Variants in ADARB2 observed in about 807,000 individuals in gnomAD.
The protein encoded by ADARB2 is inactive double-stranded RNA-specific editase B2.
A neutral mutation model predicts 62.2 loss-of-function variants in ADARB2; 25 were observed. The ratio of observed to expected loss-of-function variants is 0.40; its 90% CI spans 0.29 to 0.56. The LOEUF is 0.56. Among genes scored for constraint, ADARB2 ranks in the 20% least tolerant of loss-of-function variants. The pLI is 0.43. For synonymous variants in ADARB2, 572 were observed against 500.8 expected, an observed-to-expected ratio of 1.14 and a Z score of -1.90; for missense variants, 1,071 against 1,077.4, an observed-to-expected ratio of 0.99 and a Z score of 0.08.
chr10:1,585,003 G>T (rs1165252055), intron 1 of ADARB2, among the ~76,000 whole-genome samples: 2 of 152,132 alleles, frequency 1.3e-5, no homozygotes, highest in Admixed American at 6.5e-5. Context: ...AAATCACCCT[G>T]TATGGTGCTG....
chr10:1,420,334 A>G (rs1167768102), intron 1 of ADARB2, among the ~76,000 whole-genome samples: 3 of 152,192 alleles, frequency 2.0e-5, no homozygotes, highest in Non-Finnish European at 4.4e-5. Context: ...GCACAGACAG[A>G]TATGTGGTGG....
chr10:1,644,373 G>T (rs1271094583), intron 1 of ADARB2, among the ~76,000 whole-genome samples: 2 of 152,216 alleles, frequency 1.3e-5, no homozygotes, highest in Non-Finnish European at 2.9e-5. Flanking sequence ...TTATTCACTT[G>T]CTTGTATGTT....
rs188654136 is a variant in ADARB2 at position 1,600,752 on chromosome 10, T to G, written c.100+136299A>C. On this transcript the variant is annotated intron_variant, in intron 1 of 9. Coordinates refer to ENST00000381312, the MANE Select transcript of ADARB2 (RefSeq NM_018702.4). ...GCTGCTCCGACTAGAAGGAGTCCCA[T>G]TGATTTCCACTCTCCCATTCTTCCT... Among the ~76,000 whole-genome samples, 87 of 151,406 alleles carry G rather than the reference T, an allele frequency of 5.7e-4. No individual in the cohort carries two copies. The Middle Eastern group carries it at 0.01, about 18-fold the overall frequency.
chr10:1,386,544 C>T (rs1306099178), intron 1 of ADARB2, among the ~76,000 whole-genome samples: 1 of 151,824 alleles, frequency 6.6e-6, no homozygotes, highest in East Asian at 1.9e-4. Flanking sequence ...CAGTAGTTTT[C>T]AAAATATGAA....
intron 1 of ADARB2, among the ~76,000 whole-genome samples, chr10:1,381,936 G>C (rs1414282773): frequency 6.6e-6 from 1 of 152,148 alleles, no homozygotes; most frequent in Non-Finnish European, 1.5e-5. Context: ...GCAGCATGGG[G>C]ACTCTGGCTA....
chr10:1,599,910 T>C (rs1347509102), intron 1 of ADARB2, among the ~76,000 whole-genome samples: 1 of 151,962 alleles, frequency 6.6e-6, no homozygotes, highest in African/African-American at 2.4e-5. Flanking sequence ...CCACACCTAA[T>C]TTTTGTATTT....
chr10:1,216,464 G>A lies in ADARB2; in HGVS notation c.1682+487C>T, dbSNP rs1419669480. ...CCCGAGACCTCCACATGGAGGCTTTGAAAACTCCATCCAAGAAGACAATAT... is the reference window on the plus strand; with the variant it reads ...CCCGAGACCTCCACATGGAGGCTTTAAAAACTCCATCCAAGAAGACAATAT... On this transcript the variant is annotated intron_variant, in intron 7 of 9. Coordinates refer to ENST00000381312, the MANE Select transcript of ADARB2 (RefSeq NM_018702.4). 2.5e-5 allele frequency: 4 copies of A among 162,880 alleles called. No homozygotes were observed. The South Asian group carries it at 6.4e-4, about 26-fold the overall frequency. The allele number at this position is 162,880 out of a possible 1,614,324, so 10.1% of individuals were successfully genotyped here. A position where few individuals can be genotyped will look rare whatever the true frequency, so the allele number is the denominator to read the frequency against.
intron 8 of ADARB2, among the ~76,000 whole-genome samples, chr10:1,194,557 C>CGTCT (rs905676759): frequency 6.6e-6 from 1 of 152,206 alleles, no homozygotes; most frequent in African/African-American, 2.4e-5. Flanking sequence ...GTCAGTCTAT[C>CGTCT]ATCTATCTAT....
intron 1 of ADARB2, among the ~76,000 whole-genome samples, chr10:1,453,499 A>C (rs113530235): frequency 0.011 from 1,644 of 152,154 alleles, 12 homozygotes; most frequent in Non-Finnish European, 0.018. Flanking sequence ...GTTTCTTAGC[A>C]CTGTTTCTTG....
chr10:1,645,819 C>G (rs1834033702), intron 1 of ADARB2, among the ~76,000 whole-genome samples: 1 of 152,204 alleles, frequency 6.6e-6, no homozygotes, highest in Admixed American at 6.5e-5. Flanking sequence ...TGCTTGGGAT[C>G]TCTTCTTTTG....
chr10:1,729,815 T>C (rs1835210269), intron 1 of ADARB2, among the ~76,000 whole-genome samples: 1 of 152,212 alleles, frequency 6.6e-6, no homozygotes, highest in Non-Finnish European at 1.5e-5. Context: ...TTCTGAGAAC[T>C]GAGCTCCCCA....
chr10:1,362,946 G>T, intron 3 of ADARB2, 82 bp downstream of exon 3: 1 of 1,204,684 alleles, frequency 8.3e-7, no homozygotes, highest in Non-Finnish European at 1.0e-6. Context: ...AAGCCTGGAC[G>T]CCACTCCCAA....
chr10:1,639,494 C>T (rs1000021338), intron 1 of ADARB2, among the ~76,000 whole-genome samples: 4 of 152,218 alleles, frequency 2.6e-5, no homozygotes, highest in African/African-American at 7.2e-5. Flanking sequence ...CTGATGATCA[C>T]AGCTGATCCT....
chr10:1,606,213 CCT>C (rs1833491096), intron 1 of ADARB2, among the ~76,000 whole-genome samples: 1 of 152,200 alleles, frequency 6.6e-6, no homozygotes, highest in African/African-American at 2.4e-5. Flanking sequence ...TTTCTGGGGG[CCT>C]ACAGTCTTCA....
At chr10:1,598,111 G>A (rs933003520) in intron 1 of ADARB2, among the ~76,000 whole-genome samples, 1 of 152,216 alleles carries the variant, frequency 6.6e-6, no homozygotes, top group Non-Finnish European at 1.5e-5. Flanking sequence ...GACACTGGAG[G>A]CTCCACAAGG....
At chr10:1,727,691 A>G (rs1282111819) in intron 1 of ADARB2, among the ~76,000 whole-genome samples, 1 of 152,172 alleles carries the variant, frequency 6.6e-6, no homozygotes, top group Non-Finnish European at 1.5e-5. Context: ...GATAATTTAT[A>G]TATATATATA....
At chr10:1,687,787 A>T (rs1834615101) in intron 1 of ADARB2, among the ~76,000 whole-genome samples, 1 of 152,116 alleles carries the variant, frequency 6.6e-6, no homozygotes, top group Non-Finnish European at 1.5e-5. Flanking sequence ...CTCAGGTGCC[A>T]CAGGAGTCAC....
At chr10:1,291,490 C>G (rs1831465321) in intron 3 of ADARB2, 1 of 152,260 alleles carries the variant, frequency 6.6e-6, no homozygotes, top group South Asian at 2.1e-4. Context: ...TCCATGTTCC[C>G]TCCTCACAGC....
chr10:1,418,161 A>G (rs561738017), intron 1 of ADARB2, among the ~76,000 whole-genome samples: 1 of 152,280 alleles, frequency 6.6e-6, no homozygotes, highest in Non-Finnish European at 1.5e-5. Context: ...ATCTAGGATC[A>G]ACTTCATCGT....
Sources: allele counts gnomAD v4.1 joint callset (sites outside exome capture counted in the v4.1 genomes callset), GRCh38; gene constraint gnomAD v4.1.1; transcripts MANE v1.5; gene names NCBI Gene and HGNC (gene_info 2026-07-23, HGNC 2026-07-21).